The following GRID2 variants were observed in gnomAD, a reference collection of about 807,000 sequenced individuals.
GRID2 encodes the protein glutamate ionotropic receptor delta type subunit 2.
A neutral mutation model predicts 114.8 loss-of-function variants in GRID2; 33 were observed. The ratio of observed to expected loss-of-function variants is 0.29; its 90% CI spans 0.22 to 0.38. The LOEUF is 0.38. GRID2 is among the 10% of genes least tolerant of loss of function. The pLI is 1.00. For missense variants in GRID2, 1,184 were observed against 1,257.7 expected (o/e 0.94, Z 0.89); for synonymous variants, 505 against 449.9 (o/e 1.12, Z -1.55).
intron 14 of GRID2, among the ~76,000 whole-genome samples, chr4:93,689,186 A>C (rs1448391677): frequency 6.6e-6 from 1 of 152,036 alleles, no homozygotes; most frequent in Non-Finnish European, 1.5e-5. Flanking sequence ...CCTTGATCTC[A>C]GTCTTCTAGC....
chr4:93,437,748 T>C (rs1721236089), intron 10 of GRID2, among the ~76,000 whole-genome samples: 1 of 152,158 alleles, frequency 6.6e-6, no homozygotes, highest in Admixed American at 6.6e-5. Flanking sequence ...CATTCAGCTT[T>C]AATCTGCCTA....
At chr4:92,721,590 C>G (rs558666040) in intron 2 of GRID2, among the ~76,000 whole-genome samples, 3 of 151,974 alleles carry the variant, frequency 2.0e-5, no homozygotes, top group Non-Finnish European at 4.4e-5. Flanking sequence ...TTCAAACCAT[C>G]TAAATCAACT....
intron 2 of GRID2, among the ~76,000 whole-genome samples, chr4:92,678,394 G>A (rs538268681): frequency 9.2e-5 from 14 of 152,168 alleles, no homozygotes; most frequent in Admixed American, 2.0e-4. Context: ...TAAGTTAAAT[G>A]AATAATAACA....
intron 1 of GRID2, among the ~76,000 whole-genome samples, chr4:92,576,815 G>A (rs1247570664): frequency 6.6e-6 from 1 of 152,066 alleles, no homozygotes; most frequent in African/African-American, 2.4e-5. Context: ...GCTCCTGGGT[G>A]GGCCATTGCT....
chr4:92,466,359 T>A (rs1376914034), intron 1 of GRID2, among the ~76,000 whole-genome samples: 1 of 151,882 alleles, frequency 6.6e-6, no homozygotes, highest in Non-Finnish European at 1.5e-5. Context: ...TTTTTCTTTT[T>A]CTATATTTAG....
intron 2 of GRID2, among the ~76,000 whole-genome samples, chr4:92,892,871 G>A (rs995162094): frequency 1.3e-5 from 2 of 152,042 alleles, no homozygotes; most frequent in Admixed American, 1.3e-4. Flanking sequence ...AATTTTATTT[G>A]TTAAAGGAAA....
intron 2 of GRID2, among the ~76,000 whole-genome samples, chr4:92,633,283 G>GA (rs1394552342): frequency 6.6e-5 from 10 of 151,452 alleles, no homozygotes; most frequent in African/African-American, 2.4e-4. Context: ...CCTATAATGT[G>GA]AAAGGGAAAA....
chr4:92,906,507 A>G (rs181696267), intron 2 of GRID2, among the ~76,000 whole-genome samples: 1 of 145,898 alleles, frequency 6.9e-6, no homozygotes. Context: ...TCTTTACTCT[A>G]GGAAACTTCA....
chr4:93,670,587 G>A (rs1420758644), intron 14 of GRID2, among the ~76,000 whole-genome samples: 2 of 152,134 alleles, frequency 1.3e-5, no homozygotes, highest in African/African-American at 4.8e-5. Flanking sequence ...GAATAAATGG[G>A]CTACACTGAT....
chr4:93,189,770 A>G (rs1227877752), intron 4 of GRID2, among the ~76,000 whole-genome samples: 1 of 90,860 alleles, frequency 1.1e-5, no homozygotes, highest in African/African-American at 4.2e-5. Context: ...CCACCACACC[A>G]CACCACACAC....
rs117214664 is a variant in GRID2, at chr4:93,504,878, A to G, written c.1998-10338A>G. 1.8e-4 allele frequency among the ~76,000 whole-genome samples: 27 copies of G among 152,254 alleles called. No homozygotes were observed. The East Asian group carries it at 5.2e-3, about 29-fold the overall frequency. On this transcript the variant is annotated intron_variant, in intron 12 of 15. Transcript: ENST00000282020. ...TAGATAACAACTAAAATAATTTAGT[A>G]TTTAATTTGACAAAGAGAAGGCTAA... is the stretch of plus-strand genomic sequence containing the variant.
At chr4:92,761,535 A>G (rs767582288) in intron 2 of GRID2, among the ~76,000 whole-genome samples, 33 of 152,210 alleles carry the variant, frequency 2.2e-4, no homozygotes, top group Non-Finnish European at 1.9e-4. Context: ...AAAGTGACCA[A>G]ATATTTTGTG....
At chr4:93,514,817 G>A (rs566234309) in intron 12 of GRID2, among the ~76,000 whole-genome samples, 11 of 152,214 alleles carry the variant, frequency 7.2e-5, no homozygotes, top group South Asian at 4.1e-4. Context: ...GCCTTGCTAC[G>A]TAAAGGAATG....
intron 4 of GRID2, among the ~76,000 whole-genome samples, chr4:93,128,867 A>G (rs936133382): frequency 2.2e-4 from 34 of 152,310 alleles, no homozygotes; most frequent in African/African-American, 7.2e-4. Context: ...GAGACTCCGA[A>G]TTTGATGAGT....
At chr4:92,873,583 G>A (rs1177250307) in intron 2 of GRID2, among the ~76,000 whole-genome samples, 1 of 152,036 alleles carries the variant, frequency 6.6e-6, no homozygotes, top group Non-Finnish European at 1.5e-5. Flanking sequence ...CGCTTCTATT[G>A]TCAAAAGCCT....
chr4:93,066,706 A>AT (rs963683072), intron 2 of GRID2, among the ~76,000 whole-genome samples: 44 of 151,802 alleles, frequency 2.9e-4, no homozygotes, highest in African/African-American at 7.3e-4. Context: ...TAAGCATATG[A>AT]TTTTTTTTCA....
chr4:92,366,431 G>A (rs1353452095), intron 1 of GRID2, among the ~76,000 whole-genome samples: 1 of 151,748 alleles, frequency 6.6e-6, no homozygotes, highest in African/African-American at 2.4e-5. Flanking sequence ...CATTTAACAG[G>A]GTTGTGAGGA....
chr4:92,605,968 A>G (rs1029542822), intron 2 of GRID2, among the ~76,000 whole-genome samples: 2 of 145,910 alleles, frequency 1.4e-5, no homozygotes, highest in East Asian at 2.1e-4. Flanking sequence ...TTCACCTGCT[A>G]TAATTCTGAT....
At chr4:93,563,374 C>T (rs1047842182) in intron 13 of GRID2, among the ~76,000 whole-genome samples, 3 of 151,844 alleles carry the variant, frequency 2.0e-5, no homozygotes, top group Admixed American at 6.6e-5. Flanking sequence ...TTCTGTTGAA[C>T]GTATTGTAGC....
Sources: gnomAD v4.1 joint callset for allele counts (sites outside exome capture counted in the v4.1 genomes callset) on GRCh38, gnomAD v4.1.1 for gene constraint, MANE v1.5 for transcripts, NCBI Gene and HGNC (gene_info 2026-07-23, HGNC 2026-07-21) for gene names.